FGD2: variants seen among roughly 807,000 people sequenced by gnomAD.
The protein encoded by FGD2 is FYVE, RhoGEF and PH domain-containing protein 2.
Under a neutral mutation model 75.9 loss-of-function variants are expected in FGD2, and 52 were observed. The observed-to-expected ratio is 0.69, with a 90% confidence interval of 0.55 to 0.86. FGD2 has a LOEUF of 0.86. Among genes scored for constraint, FGD2 ranks in the 40% least tolerant of loss-of-function variants. The probability of loss-of-function intolerance (pLI) is 0.00; values close to 1 mark genes in which losing one functional copy is unlikely to be tolerated. For missense variants in FGD2, 790 were observed against 872.0 expected (o/e 0.91, Z 1.18); for synonymous variants, 347 against 348.6 (o/e 1.00, Z 0.05).
rs554264794 is a variant in FGD2 at position 37,015,161 on chromosome 6, CTG to C, written c.1029+125_1029+126del. The C allele has an allele frequency of 7.1e-4, 941 of 1,327,274 alleles. 5 individuals carry two copies. In the African/African-American group the frequency reaches 0.013, roughly 18 times the overall value. 82.2% of individuals were successfully genotyped at this position (1,327,274 alleles called of 1,614,324 possible). A position where few individuals can be genotyped will look rare whatever the true frequency, so the allele number is the denominator to read the frequency against. On this transcript the variant is annotated intron_variant, in intron 8 of 15. Coordinates refer to ENST00000274963, the MANE Select transcript of FGD2 (RefSeq NM_173558.4). ...GGGGGACAGGGAAGAGAACGCTTCT[CTG>C]TCTTTTTCTGCTTTGGCACCCAGAT...
intron 9 of FGD2, among the ~76,000 whole-genome samples, chr6:37,018,875 C>T (rs759579872): frequency 2.0e-4 from 31 of 152,178 alleles, no homozygotes; most frequent in Non-Finnish European, 4.0e-4. Context: ...TTACTACAAA[C>T]GTACTGTATG....
intron 5 of FGD2, 38 bp downstream of exon 5, chr6:37,013,803 C>T (rs1765141469): frequency 6.2e-7 from 1 of 1,609,924 alleles, no homozygotes. Context: ...CATTGCCACT[C>T]CCAGCATGCA....
At position 37,014,986 on chromosome 6, in the gene FGD2, T is replaced by C; in HGVS notation, c.977T>C (p.Val326Ala). 1 of 1,614,060 alleles carries C rather than the reference T, an allele frequency of 6.2e-7. No homozygotes were observed. Among genetic ancestry groups the C allele is most frequent in the Non-Finnish European group, 8.5e-7 (1 of 1,179,976 alleles). Residue 326 changes from valine to alanine, a missense_variant, in exon 8 of 16, where the codon GTC becomes GCC. Val to Ala is a moderately conservative substitution (Grantham distance 64). Transcript: ENST00000274963. The part of the protein sequence containing the change: ...PSNTLLREGP[V>A]LKISFRRNDP... Reference sequence around the variant, plus strand: ...AACACCCTGCTCCGTGAGGGCCCGGTCCTCAAGATCTCCTTCCGCCGCAAC... The same window carrying C: ...AACACCCTGCTCCGTGAGGGCCCGGCCCTCAAGATCTCCTTCCGCCGCAAC...
rs187562015 is a variant in FGD2 at position 37,027,933 on chromosome 6, C to G, written c.1753-15C>G. On this transcript the variant is annotated splice_polypyrimidine_tract_variant and intron_variant, in intron 15 of 15. Transcript: ENST00000274963. ...TGAGAGGGGACAGTGGCCCACTGCT[C>G]TCTCCTCCCCCCAGGACATGAGGGC... 2 of 1,612,764 alleles carry G rather than the reference C, an allele frequency of 1.2e-6. No individual in the cohort carries two copies. The highest frequency in any genetic ancestry group is 2.2e-5 in the East Asian group (1 of 44,854).
At chr6:37,027,883 C>A in intron 15 of FGD2, 65 bp from the exon 16 acceptor site, 3 of 1,560,430 alleles carry the variant, frequency 1.9e-6, no homozygotes, top group South Asian at 2.3e-5. Flanking sequence ...GTTGCCTTCA[C>A]GATGGCTATC....
chr6:37,021,046 G>T (rs560086595), intron 11 of FGD2, among the ~76,000 whole-genome samples: 1 of 151,962 alleles, frequency 6.6e-6, no homozygotes, highest in East Asian at 1.9e-4. Flanking sequence ...ATGTGTGTTT[G>T]TGTGCATGCA....
chr6:37,021,869 T>C (rs1027943366), intron 12 of FGD2: 8 of 488,446 alleles, frequency 1.6e-5, no homozygotes, highest in Non-Finnish European at 2.9e-5. Flanking sequence ...CAGGGGGCAG[T>C]AGGGTTTTGG....
intron 9 of FGD2, 118 bp downstream of exon 9, chr6:37,015,978 G>A (rs1041223536): frequency 3.3e-6 from 3 of 910,840 alleles, no homozygotes; most frequent in East Asian, 2.7e-5. Context: ...CAGGGCCTGG[G>A]CAAACATGGA....
rs767394174 is a variant in FGD2, at chr6:37,027,940, C to A, written c.1753-8C>A. ...GGACAGTGGCCCACTGCTCTCTCCT[C>A]CCCCCAGGACATGAGGGCTCACACC... On this transcript the variant is annotated splice_region_variant and splice_polypyrimidine_tract_variant and intron_variant, in intron 15 of 15. Coordinates refer to ENST00000274963, the MANE Select transcript of FGD2 (RefSeq NM_173558.4). The A allele has an allele frequency of 1.9e-6, 3 of 1,612,914 alleles. No homozygotes were observed. Among genetic ancestry groups the A allele is most frequent in the East Asian group, 2.2e-5 (1 of 44,862 alleles).
At position 37,025,819 on chromosome 6, in the gene FGD2, C is replaced by G. The variant is rs745809338; in HGVS notation, c.1486C>G (p.Arg496Gly). 1 of 1,614,062 alleles carries G rather than the reference C, an allele frequency of 6.2e-7. No individual in the cohort carries two copies. Among genetic ancestry groups the G allele is most frequent in the African/African-American group, 1.3e-5 (1 of 74,934 alleles). Residue 496 changes from arginine (R) to glycine (G), a missense_variant, in exon 14 of 16, where the codon CGG (arginine) becomes GGG (glycine). Coordinates refer to ENST00000274963, the MANE Select transcript of FGD2 (RefSeq NM_173558.4). ...GGTGTGTGCCAGGTGCTCCGACTAC[C>G]GGGCCGAACTGAAATACGACGACAA... ...YVVCARCSDY[R>G]AELKYDDNRP...
rs1765624362 is a variant in FGD2 at position 37,022,300 on chromosome 6, T to C, written c.1388T>C (p.Met463Thr). The C allele has an allele frequency of 6.3e-7, 1 of 1,589,082 alleles. No homozygotes were observed. Among genetic ancestry groups the C allele is most frequent in the Middle Eastern group, 1.7e-4 (1 of 5,994 alleles). The change falls in exon 13 of 16, where the codon ATG (methionine) becomes ACG (threonine). Residue 463 changes from methionine to threonine, a missense_variant. Coordinates refer to ENST00000274963, the MANE Select transcript of FGD2 (RefSeq NM_173558.4). ...PQWVRDKMVT[M>T]CMRCQEPFNA... ...TGGGTCCGGGACAAGATGGTGACCA[T>C]GTGCATGCGCTGCCAGGAGCCCTTC...
intron 4 of FGD2, chr6:37,013,359 G>A: frequency 3.0e-6 from 3 of 1,012,820 alleles, no homozygotes; most frequent in Non-Finnish European, 3.9e-6. Flanking sequence ...CACCTGCTGT[G>A]GGCCCAACAC....
chr6:37,013,396 A>G (rs1765115485), intron 4 of FGD2: 2 of 1,366,980 alleles, frequency 1.5e-6, no homozygotes, highest in South Asian at 1.7e-5. Context: ...GATGAGGCCA[A>G]CCTGGGACCA....
chr6:37,012,612 T>G (rs1765064147), intron 4 of FGD2, among the ~76,000 whole-genome samples: 1 of 150,252 alleles, frequency 6.7e-6, no homozygotes, highest in South Asian at 2.1e-4. Flanking sequence ...CTCAGGAGGC[T>G]GAGGTTGGAG....
At position 37,025,830 on chromosome 6, in the gene FGD2, G is replaced by A; in HGVS notation, c.1497G>A (p.Leu499=). The A allele has an allele frequency of 1.2e-6, 2 of 1,614,212 alleles. No homozygotes were observed. Among genetic ancestry groups the A allele is most frequent in the South Asian group, 1.1e-5 (1 of 91,082 alleles). The change falls in exon 14 of 16, where the codon CTG becomes CTA. Residue 499 remains leucine (L), a synonymous_variant. Coordinates refer to ENST00000274963, the MANE Select transcript of FGD2 (RefSeq NM_173558.4). ...GGTGCTCCGACTACCGGGCCGAACTGAAATACGACGACAACAGGCCCAACC... is the reference window on the plus strand; with the variant it reads ...GGTGCTCCGACTACCGGGCCGAACTAAAATACGACGACAACAGGCCCAACC... ...CARCSDYRAE[L]KYDDNRPNRV...
chr6:37,025,483 T>G (rs1765772361), intron 13 of FGD2: 1 of 387,594 alleles, frequency 2.6e-6, no homozygotes, highest in Admixed American at 3.7e-5. Context: ...GCCCCTTGGG[T>G]TCACAGCAGC....
Position 37,020,548 on chromosome 6 carries a change from A to G in FGD2, c.1130A>G (p.Glu377Gly). The G allele has an allele frequency of 6.2e-7, 1 of 1,606,004 alleles. No individual in the cohort carries two copies. Among genetic ancestry groups the G allele is most frequent in the South Asian group, 1.1e-5 (1 of 89,286 alleles). ...RIDVAGMKVR[E>G]LMDAEFPHSF... ...CCTCCCTCCTCTTGGCAGGTGCGGG[A>G]GCTGATGGATGCTGAGTTTCCCCAC... is the stretch of plus-strand genomic sequence containing the variant. The change falls in exon 10 of 16, where the codon GAG (glutamate) becomes GGG (glycine). Residue 377 changes from glutamate (E) to glycine (G), a missense_variant. Physicochemically the swap from Glu to Gly is moderately conservative, Grantham distance 98. Transcript: ENST00000274963.
At chr6:37,011,369 T>C (rs1411333882) in intron 3 of FGD2, 2 of 546,664 alleles carry the variant, frequency 3.7e-6, no homozygotes, top group African/African-American at 1.9e-5. Context: ...TTACCTTTCA[T>C]AGTTTTTCAG....
chr6:37,007,121 C>T (rs1038072289), intron 1 of FGD2, among the ~76,000 whole-genome samples: 3 of 152,160 alleles, frequency 2.0e-5, no homozygotes, highest in Admixed American at 2.0e-4. Flanking sequence ...CAGCATCCTA[C>T]AGGAACTGTA....
Sources: gnomAD v4.1 joint callset for allele counts (sites outside exome capture counted in the v4.1 genomes callset) on GRCh38, gnomAD v4.1.1 for gene constraint, MANE v1.5 for transcripts, NCBI Gene and HGNC (gene_info 2026-07-23, HGNC 2026-07-21) for gene names.